The following PKIA variants were observed in gnomAD, a reference collection of about 807,000 sequenced individuals.
PKIA encodes the protein cAMP-dependent protein kinase inhibitor alpha.
Under a neutral mutation model 7.6 loss-of-function variants are expected in PKIA, and 4 were observed. The observed-to-expected ratio is 0.52, with a 90% CI of 0.26 to 1.20. PKIA has a LOEUF of 1.20. Ranked by LOEUF, PKIA falls within the 50% of genes most tolerant of loss-of-function variation. The probability of loss-of-function intolerance (pLI) is 0.13; values close to 1 mark genes in which losing one functional copy is unlikely to be tolerated. For missense variants in PKIA, 73 were observed against 86.2 expected, an observed-to-expected ratio of 0.85 and a Z score of 0.61; for synonymous variants, 21 against 30.7, an observed-to-expected ratio of 0.68 and a Z score of 1.04.
chr8:78,572,541 GCA>G (rs1554582465), intron 1 of PKIA, among the ~76,000 whole-genome samples: 1,045 of 97,762 alleles, frequency 0.011, 6 homozygotes, highest in African/African-American at 0.021. Context: ...AAAGCTGCAC[GCA>G]CACACACACA....
intron 1 of PKIA, among the ~76,000 whole-genome samples, chr8:78,524,658 T>G (rs1231669584): frequency 6.6e-6 from 1 of 151,912 alleles, no homozygotes; most frequent in Admixed American, 6.6e-5. Flanking sequence ...TAAATTACAT[T>G]TTTTTCATCT....
intron 3 of PKIA, among the ~76,000 whole-genome samples, chr8:78,599,151 A>G (rs1808297813): frequency 6.6e-6 from 1 of 152,096 alleles, no homozygotes; most frequent in African/African-American, 2.4e-5. Context: ...AATGAAAGAG[A>G]AAAACAAGTT....
At chr8:78,532,675 G>C (rs1806417987) in intron 1 of PKIA, among the ~76,000 whole-genome samples, 1 of 152,100 alleles carries the variant, frequency 6.6e-6, no homozygotes, top group South Asian at 2.1e-4. Flanking sequence ...GGGAGGCTAA[G>C]GCAGGCAGAT....
At chr8:78,534,866 A>G (rs913416545) in intron 1 of PKIA, 4 of 152,164 alleles carry the variant, frequency 2.6e-5, no homozygotes, top group African/African-American at 9.7e-5. Context: ...AGACGTAATA[A>G]TAGAAGTTAG....
chr8:78,522,456 TA>T, intron 1 of PKIA, among the ~76,000 whole-genome samples: 1 of 151,990 alleles, frequency 6.6e-6, no homozygotes, highest in African/African-American at 2.4e-5. Flanking sequence ...TTATAGACTA[TA>T]AAAATCCTAA....
chr8:78,586,612 A>G (rs1398872066), intron 2 of PKIA, among the ~76,000 whole-genome samples: 2 of 152,218 alleles, frequency 1.3e-5, no homozygotes, highest in Non-Finnish European at 2.9e-5. Context: ...AATACTCTGC[A>G]TAGGAGATCA....
rs1554582465 is a variant in PKIA at position 78,572,541 on chromosome 8, GCACACACACACACA to G, written c.-156-251_-156-238del. On this transcript the variant is annotated intron_variant, in intron 1 of 3. Transcript: ENST00000396418. Reference sequence around the variant, plus strand: ...CACCCCATCACAAAAAAAGCTGCACGCACACACACACACACACACACACACACACACAATTAATT... The same window carrying G: ...CACCCCATCACAAAAAAAGCTGCACGCACACACACACACACACAATTAATT... Among the ~76,000 whole-genome samples the G allele has an allele frequency of 6.1e-5, 6 of 98,380 alleles. No individual in the cohort carries two copies. In the South Asian group the frequency reaches 1.3e-3, roughly 22 times the overall value. 64.5% of individuals were successfully genotyped at this position (98,380 alleles called of 152,430 possible).
chr8:78,527,785 CA>C (rs1806284812), intron 1 of PKIA, among the ~76,000 whole-genome samples: 1 of 151,938 alleles, frequency 6.6e-6, no homozygotes, highest in South Asian at 2.1e-4. Context: ...GCACCTGTTT[CA>C]TTTTGTTATT....
chr8:78,556,638 A>G (rs1807144927), intron 1 of PKIA: 1 of 152,076 alleles, frequency 6.6e-6, no homozygotes, highest in Non-Finnish European at 1.5e-5. Context: ...GTGCCAAGAC[A>G]CAGTCAGCAA....
intron 1 of PKIA, among the ~76,000 whole-genome samples, chr8:78,560,867 T>C (rs549011567): frequency 8.9e-4 from 136 of 152,334 alleles, no homozygotes; most frequent in African/African-American, 3.2e-3. Flanking sequence ...TATTGGTAGA[T>C]AGAAACCAGG....
At chr8:78,598,168 T>C (rs1483812452) in intron 2 of PKIA, among the ~76,000 whole-genome samples, 190 bp from the exon 3 acceptor site, 3 of 150,192 alleles carry the variant, frequency 2.0e-5, no homozygotes, top group East Asian at 1.9e-4. Context: ...TGTAAAAATG[T>C]ACATATTTAA....
intron 2 of PKIA, among the ~76,000 whole-genome samples, chr8:78,587,623 A>T (rs1242693901): frequency 6.6e-6 from 1 of 152,202 alleles, no homozygotes; most frequent in Non-Finnish European, 1.5e-5. Flanking sequence ...AAATTATTCC[A>T]TGCTTTAATT....
At chr8:78,582,640 C>A (rs562247786) in intron 2 of PKIA, among the ~76,000 whole-genome samples, 2 of 152,052 alleles carry the variant, frequency 1.3e-5, no homozygotes, top group African/African-American at 4.8e-5. Flanking sequence ...TAGTAAAGTT[C>A]TCTGTATTAC....
chr8:78,593,142 A>T (rs986421497), intron 2 of PKIA, among the ~76,000 whole-genome samples: 1 of 152,204 alleles, frequency 6.6e-6, no homozygotes, highest in Admixed American at 6.5e-5. Flanking sequence ...TGTTTGTTTG[A>T]CACGGAGTCT....
chr8:78,589,058 G>C (rs929803211), intron 2 of PKIA, among the ~76,000 whole-genome samples: 2 of 152,086 alleles, frequency 1.3e-5, no homozygotes, highest in African/African-American at 4.8e-5. Context: ...AGAATTGAAG[G>C]AATGATAATG....
At chr8:78,536,442 A>G (rs556585616) in intron 1 of PKIA, among the ~76,000 whole-genome samples, 114 of 152,196 alleles carry the variant, frequency 7.5e-4, no homozygotes, top group South Asian at 1.5e-3. Flanking sequence ...AGTGAGCACA[A>G]ATTTCTTTGA....
At chr8:78,575,745 T>C (rs1046105150) in intron 2 of PKIA, among the ~76,000 whole-genome samples, 1 of 152,016 alleles carries the variant, frequency 6.6e-6, no homozygotes, top group Non-Finnish European at 1.5e-5. Context: ...AGTAACTCAG[T>C]CAAGTTGCAG....
In PKIA at chr8:78,533,738, T is replaced by G. The variant is rs569561372; in HGVS notation, c.-157+17270T>G. ...TTGCCAGGTGTTGTGATGCATGCCATAGCCCTAACTACTCTGGAGGCTGAG... is the reference window on the plus strand; with the variant it reads ...TTGCCAGGTGTTGTGATGCATGCCAGAGCCCTAACTACTCTGGAGGCTGAG... On this transcript the variant is annotated intron_variant, in intron 1 of 3. Transcript: ENST00000396418. Among the ~76,000 whole-genome samples the G allele has an allele frequency of 1.5e-3, 235 of 152,140 alleles. 1 individual carries two copies. Among genetic ancestry groups the G allele is most frequent in the African/African-American group, 5.3e-3 (218 of 41,522 alleles).
intron 1 of PKIA, among the ~76,000 whole-genome samples, chr8:78,552,029 TA>T (rs1367969276): frequency 4.0e-5 from 6 of 151,568 alleles, no homozygotes; most frequent in African/African-American, 1.5e-4. Flanking sequence ...CCTATCTGGT[TA>T]AAAAAAATTA....
Sources: gnomAD v4.1 joint callset for allele counts (sites outside exome capture counted in the v4.1 genomes callset) on GRCh38, gnomAD v4.1.1 for gene constraint, MANE v1.5 for transcripts, NCBI Gene and HGNC (gene_info 2026-07-23, HGNC 2026-07-21) for gene names.